Variants in DPP10 observed in about 807,000 individuals in gnomAD.
DPP10 encodes inactive dipeptidyl peptidase 10.
In DPP10, 33 loss-of-function variants were observed where a neutral mutation model predicts 120.9. That is an observed-to-expected ratio of 0.27 (90% confidence interval 0.21 to 0.37). The LOEUF is 0.37. DPP10 is among the 10% of genes least tolerant of loss of function. The probability of loss-of-function intolerance (pLI) is 1.00; values close to 1 mark genes in which losing one functional copy is unlikely to be tolerated. For missense variants in DPP10, 816 were observed against 942.8 expected (o/e 0.87, Z 1.76); for synonymous variants, 337 against 326.1 (o/e 1.03, Z -0.36).
chr2:114,822,938 A>C (rs953401508), intron 1 of DPP10, among the ~76,000 whole-genome samples: 3 of 152,206 alleles, frequency 2.0e-5, no homozygotes, highest in African/African-American at 7.2e-5. Context: ...AAAGCCACTC[A>C]ACAAGACTCT....
intron 13 of DPP10, among the ~76,000 whole-genome samples, chr2:115,773,029 T>C (rs1681665487): frequency 6.6e-6 from 1 of 152,132 alleles, no homozygotes; most frequent in African/African-American, 2.4e-5. Flanking sequence ...CTACAAATAC[T>C]GTGGAAAACA....
chr2:115,154,171 T>A (rs2051746551), intron 1 of DPP10, among the ~76,000 whole-genome samples: 1 of 152,338 alleles, frequency 6.6e-6, no homozygotes, highest in African/African-American at 2.4e-5. Context: ...AATTTCAATA[T>A]TTCCTCAGCA....
At chr2:115,262,172 TATTA>T (rs2059280673) in intron 1 of DPP10, among the ~76,000 whole-genome samples, 1 of 152,132 alleles carries the variant, frequency 6.6e-6, no homozygotes, top group Non-Finnish European at 1.5e-5. Context: ...AGAGGGCACA[TATTA>T]ATTCAACGTA....
chr2:115,805,343 A>T (rs1434136003), intron 19 of DPP10, among the ~76,000 whole-genome samples: 1 of 152,012 alleles, frequency 6.6e-6, no homozygotes, highest in Non-Finnish European at 1.5e-5. Context: ...CCTTTCTTTG[A>T]CTAGGAAAGG....
chr2:115,014,057 C>T (rs761950653), intron 1 of DPP10, among the ~76,000 whole-genome samples: 6 of 152,176 alleles, frequency 3.9e-5, no homozygotes, highest in Non-Finnish European at 8.8e-5. Flanking sequence ...CTGAGCACCA[C>T]ATCACACCTA....
intron 1 of DPP10, among the ~76,000 whole-genome samples, chr2:114,744,299 A>G (rs1678354756): frequency 6.6e-6 from 1 of 152,340 alleles, no homozygotes; most frequent in East Asian, 1.9e-4. Flanking sequence ...GTAAAAAGGC[A>G]CACACAAAAT....
At chr2:114,841,080 G>A (rs191665463) in intron 1 of DPP10, among the ~76,000 whole-genome samples, 1 of 152,236 alleles carries the variant, frequency 6.6e-6, no homozygotes, top group East Asian at 1.9e-4. Flanking sequence ...TTTTGAATAT[G>A]TATTATGTTT....
At chr2:114,577,806 C>T (rs1690180241) in intron 1 of DPP10, among the ~76,000 whole-genome samples, 1 of 152,130 alleles carries the variant, frequency 6.6e-6, no homozygotes, top group Non-Finnish European at 1.5e-5. Context: ...TGCTGGCAAT[C>T]TTTGGAAGAA....
chr2:115,056,855 C>A (rs1573453681), intron 1 of DPP10, among the ~76,000 whole-genome samples: 1 of 152,180 alleles, frequency 6.6e-6, no homozygotes, highest in Non-Finnish European at 1.5e-5. Context: ...TACAACAACC[C>A]TGCTCTTTTA....
intron 1 of DPP10, among the ~76,000 whole-genome samples, chr2:114,792,989 ATT>A (rs1491325645): frequency 2.0e-5 from 2 of 98,978 alleles, no homozygotes; most frequent in Non-Finnish European, 3.9e-5. Context: ...CAACTGTATT[ATT>A]GTGTGTGTGT....
At chr2:114,815,090 G>C (rs900188771) in intron 1 of DPP10, among the ~76,000 whole-genome samples, 2 of 152,232 alleles carry the variant, frequency 1.3e-5, no homozygotes, top group African/African-American at 4.8e-5. Flanking sequence ...AATAGGATCT[G>C]CCAAATCTCA....
chr2:115,010,296 A>C (rs1047261568), intron 1 of DPP10, among the ~76,000 whole-genome samples: 1 of 152,206 alleles, frequency 6.6e-6, no homozygotes, highest in Admixed American at 6.5e-5. Context: ...ATCCAGTCAC[A>C]TATTGTTTGC....
intron 1 of DPP10, among the ~76,000 whole-genome samples, chr2:114,460,645 G>A (rs903475312): frequency 1.3e-5 from 2 of 152,120 alleles, no homozygotes; most frequent in South Asian, 2.1e-4. Flanking sequence ...ATTCATTATA[G>A]GACTATTTTC....
chr2:115,283,472 G>T (rs1309071670), intron 1 of DPP10, among the ~76,000 whole-genome samples: 1 of 151,912 alleles, frequency 6.6e-6, no homozygotes, highest in Non-Finnish European at 1.5e-5. Context: ...TTGGTTGATG[G>T]TTTTTCTTGA....
chr2:115,805,262 T>C (rs1685791497), intron 19 of DPP10, among the ~76,000 whole-genome samples: 1 of 152,162 alleles, frequency 6.6e-6, no homozygotes, highest in Non-Finnish European at 1.5e-5. Context: ...GGTGCACCGT[T>C]TGTGAAGCCT....
At chr2:114,623,699 A>G (rs1295470740) in intron 1 of DPP10, among the ~76,000 whole-genome samples, 1 of 152,142 alleles carries the variant, frequency 6.6e-6, no homozygotes, top group Non-Finnish European at 1.5e-5. Flanking sequence ...TCTCCTAAGA[A>G]AAGTCAAACA....
chr2:115,484,558 G>C (rs1005619949), intron 3 of DPP10, among the ~76,000 whole-genome samples: 1 of 152,092 alleles, frequency 6.6e-6, no homozygotes, highest in East Asian at 1.9e-4. Flanking sequence ...GGAAAATATA[G>C]TTTTGGTTTT....
chr2:114,912,136 T>TCACACA (rs145032229), intron 1 of DPP10, among the ~76,000 whole-genome samples: 2 of 149,946 alleles, frequency 1.3e-5, no homozygotes, highest in Non-Finnish European at 3.0e-5. Flanking sequence ...ACATTTGCAC[T>TCACACA]CACACACACA....
intron 1 of DPP10, among the ~76,000 whole-genome samples, chr2:114,465,996 C>G (rs533212475): frequency 1.3e-5 from 2 of 152,284 alleles, no homozygotes; most frequent in African/African-American, 2.4e-5. Flanking sequence ...TGCTTCCCCC[C>G]ACCCCTACCT....
Sources: allele counts gnomAD v4.1 joint callset (sites outside exome capture counted in the v4.1 genomes callset), GRCh38; gene constraint gnomAD v4.1.1; transcripts MANE v1.5; gene names NCBI Gene and HGNC (gene_info 2026-07-23, HGNC 2026-07-21).